The following CUX2 variants were observed in gnomAD, a reference collection of about 807,000 sequenced individuals.
CUX2 encodes homeobox protein cut-like 2.
In CUX2, 40 loss-of-function variants were observed where a neutral mutation model predicts 144.8. The ratio of observed to expected loss-of-function variants is 0.28; its 90% CI spans 0.21 to 0.36. CUX2 has a LOEUF of 0.36. CUX2 is among the 10% of genes least tolerant of loss of function. CUX2 has a pLI of 1.00. For missense variants in CUX2, 1,615 were observed against 1,994.0 expected, an observed-to-expected ratio of 0.81 and a Z score of 3.62; for synonymous variants, 827 against 875.6, an observed-to-expected ratio of 0.94 and a Z score of 0.98.
At position 111,263,898 on chromosome 12, in the gene CUX2, C is replaced by A; in HGVS notation, c.301+59C>A. 1 of 1,487,594 alleles carries A rather than the reference C, an allele frequency of 6.7e-7. No homozygotes were observed. Among genetic ancestry groups the A allele is most frequent in the Non-Finnish European group, 9.4e-7 (1 of 1,065,216 alleles). The allele number at this position is 1,487,594 out of a possible 1,614,324, so 92.1% of individuals were successfully genotyped here. A position where few individuals can be genotyped will look rare whatever the true frequency, so the allele number is the denominator to read the frequency against. The stretch of plus-strand genomic sequence containing the variant: ...TAACGACAATAAATAGCCATTAGGA[C>A]TGTGACACAGGGACTTTGAGGTGGG... On this transcript the variant is annotated intron_variant, in intron 4 of 21. Transcript: ENST00000261726. This position sits in a 1 kb window ranked among gnomAD's most constrained non-coding sequence, Gnocchi z 4.0.
chr12:111,117,110 G>A (rs551449680), intron 1 of CUX2, among the ~76,000 whole-genome samples: 1 of 152,302 alleles, frequency 6.6e-6, no homozygotes, highest in African/African-American at 2.4e-5. Context: ...TTAGATGAAT[G>A]TTTGTGGTTT....
intron 1 of CUX2, among the ~76,000 whole-genome samples, chr12:111,149,508 C>T (rs1383096533): frequency 2.0e-5 from 3 of 152,060 alleles, no homozygotes; most frequent in Non-Finnish European, 2.9e-5. Context: ...TAGCACACCG[C>T]CCCCCACAAT....
At chr12:111,325,560 G>A (rs75467739) in intron 18 of CUX2, among the ~76,000 whole-genome samples, 5,825 of 151,606 alleles carry the variant, frequency 0.038, 175 homozygotes, top group African/African-American at 0.076. Context: ...CTAGGGTCCC[G>A]AAATGTGTCT....
intron 16 of CUX2, among the ~76,000 whole-genome samples, chr12:111,314,999 C>T (rs377481518): frequency 8.5e-5 from 13 of 152,106 alleles, no homozygotes; most frequent in South Asian, 2.1e-4. Flanking sequence ...TCCTGGGGGT[C>T]GGAAGCAGGC....
At chr12:111,052,435 T>A (rs888837341) in intron 1 of CUX2, among the ~76,000 whole-genome samples, 39 of 150,354 alleles carry the variant, frequency 2.6e-4, no homozygotes, top group Non-Finnish European at 5.0e-4. Flanking sequence ...AAAAAAAAAA[T>A]CAGTCAAATG....
chr12:111,060,198 C>A (rs778490426), intron 1 of CUX2, among the ~76,000 whole-genome samples: 4 of 152,086 alleles, frequency 2.6e-5, no homozygotes, highest in Non-Finnish European at 5.9e-5. Flanking sequence ...GTCGTGAGCA[C>A]CTCCCCTCAC....
chr12:111,124,221 A>G (rs1874894563), intron 1 of CUX2, among the ~76,000 whole-genome samples: 1 of 152,228 alleles, frequency 6.6e-6, no homozygotes, highest in African/African-American at 2.4e-5. Flanking sequence ...CATAGGAGAA[A>G]AGGCATACAA....
Position 111,171,518 on chromosome 12 carries a change from AC to A in CUX2, c.64-42678del, listed in dbSNP as rs1878520769. Among the ~76,000 whole-genome samples the A allele has an allele frequency of 6.6e-6, 1 of 151,440 alleles. No homozygotes were observed. Among genetic ancestry groups the A allele is most frequent in the Admixed American group, 6.6e-5 (1 of 15,202 alleles). On this transcript the variant is annotated intron_variant, in intron 1 of 21. Transcript: ENST00000261726. The surrounding 1 kb of genome is among the most constrained non-coding windows in gnomAD (Gnocchi z 5.0). ...CCTTGTTTCCATGGCTTGTGGGGAA[AC>A]CCCGGTCCCGTGTCCCTGTGCACGC...
intron 1 of CUX2, among the ~76,000 whole-genome samples, chr12:111,076,197 G>A (rs1199850692): frequency 6.6e-6 from 1 of 152,156 alleles, no homozygotes; most frequent in Non-Finnish European, 1.5e-5. Context: ...TAAAGATCAG[G>A]TCCTCAGGCT....
intron 4 of CUX2, among the ~76,000 whole-genome samples, chr12:111,283,320 C>A (rs1885214141): frequency 6.6e-6 from 1 of 152,126 alleles, no homozygotes; most frequent in Non-Finnish European, 1.5e-5. Flanking sequence ...GTCCATGGTA[C>A]AACCGTCTGT....
rs73418751 is a variant in CUX2, at chr12:111,324,445, G to A, written c.2926+1865G>A. On this transcript the variant is annotated intron_variant, in intron 18 of 21. Transcript: ENST00000261726. The stretch of plus-strand genomic sequence containing the variant: ...CTGGGCAGGGAGGGGGCCAGGAAGA[G>A]GCAGGGCGTGGTGACTTTGCTCTGC... 4.9e-3 allele frequency among the ~76,000 whole-genome samples: 750 copies of A among 151,956 alleles called. 5 individuals are homozygous for A. The highest frequency in any genetic ancestry group is 0.018 in the African/African-American group (728 of 41,466).
At chr12:111,319,049 C>T (rs891681826) in intron 16 of CUX2, among the ~76,000 whole-genome samples, 3 of 151,972 alleles carry the variant, frequency 2.0e-5, no homozygotes, top group Admixed American at 6.6e-5. Flanking sequence ...CACAGTGGCT[C>T]GAGCCTGTAA....
intron 12 of CUX2, 71 bp from the exon 13 acceptor site, chr12:111,308,214 T>C (rs778112419): frequency 3.1e-5 from 49 of 1,564,670 alleles, no homozygotes; most frequent in Non-Finnish European, 4.2e-5. Flanking sequence ...GCCGGGTCAG[T>C]GCCTCTTGAA....
In CUX2 at chr12:111,296,527, A is replaced by C. The variant is rs778005178; in HGVS notation, c.692A>C (p.Glu231Ala). Residue 231 changes from glutamate to alanine, a missense_variant, in exon 8 of 22, where the codon GAG becomes GCG. Glu to Ala is a moderately radical substitution (Grantham distance 107). Transcript: ENST00000261726. ...GAGCTGCGGCGGAAGTACGACGAGG[A>C]GGCAGCATCCAAGTAAGTGAGCCCT... ...LLELRRKYDE[E>A]AASKADEVGL... is the part of the protein sequence containing the mutation. The C allele has an allele frequency of 6.2e-7, 1 of 1,611,262 alleles. No homozygotes were observed. Among genetic ancestry groups the C allele is most frequent in the African/African-American group, 1.3e-5 (1 of 74,850 alleles).
chr12:111,323,765 G>GA (rs1174122035), intron 18 of CUX2, among the ~76,000 whole-genome samples: 1 of 150,092 alleles, frequency 6.7e-6, no homozygotes, highest in African/African-American at 2.5e-5. Flanking sequence ...CCTTGTCTCA[G>GA]AAAAAAGGAG....
At chr12:111,321,019 C>T (rs952215853) in intron 17 of CUX2, among the ~76,000 whole-genome samples, 3 of 152,160 alleles carry the variant, frequency 2.0e-5, no homozygotes, top group Non-Finnish European at 4.4e-5. Flanking sequence ...CCCTCCAGAT[C>T]GCCTGAGGTC....
intron 9 of CUX2, among the ~76,000 whole-genome samples, chr12:111,300,429 TA>T (rs1336466391): frequency 6.6e-6 from 1 of 152,090 alleles, no homozygotes; most frequent in African/African-American, 2.4e-5. Flanking sequence ...CCACCCCTTT[TA>T]AAAACAAAAT....
chr12:111,108,215 T>C (rs1408323508), intron 1 of CUX2, among the ~76,000 whole-genome samples: 1 of 152,226 alleles, frequency 6.6e-6, no homozygotes, highest in Non-Finnish European at 1.5e-5. Flanking sequence ...ACAGGAGTGA[T>C]GTTGTGTCCT....
chr12:111,324,218 C>T lies in CUX2; in HGVS notation c.2926+1638C>T, dbSNP rs182188478. Among the ~76,000 whole-genome samples the T allele has an allele frequency of 2.6e-5, 4 of 151,842 alleles. No homozygotes were observed. The East Asian group carries it at 5.9e-4, about 22-fold the overall frequency. ...ACAAAAAATTAGCTGGAAATGGTGGCGTGCACATGTAATCTTAGCTGCTTA... is the reference window on the plus strand; with the variant it reads ...ACAAAAAATTAGCTGGAAATGGTGGTGTGCACATGTAATCTTAGCTGCTTA... On this transcript the variant is annotated intron_variant, in intron 18 of 21. Coordinates refer to ENST00000261726, the MANE Select transcript of CUX2 (RefSeq NM_015267.4).
Sources: allele counts gnomAD v4.1 joint callset (sites outside exome capture counted in the v4.1 genomes callset), GRCh38; gene constraint gnomAD v4.1.1; non-coding constraint Gnocchi (gnomAD v3.1); transcripts MANE v1.5; gene names NCBI Gene and HGNC (gene_info 2026-07-23, HGNC 2026-07-21).